The following NAV3 variants were observed in gnomAD, a reference collection of about 807,000 sequenced individuals.
NAV3 encodes pore membrane and/or filament interacting like protein 1.
In NAV3, 87 loss-of-function variants were observed where a neutral mutation model predicts 244.7. The observed-to-expected ratio is 0.36, with a 90% CI of 0.30 to 0.42. The LOEUF (loss-of-function observed/expected upper bound fraction) is 0.42. NAV3 is among the 20% of genes least tolerant of loss of function. The pLI is 1.00. For synonymous variants in NAV3, 1,126 were observed against 1,042.2 expected, an observed-to-expected ratio of 1.08 and a Z score of -1.55; for missense variants, 2,663 against 2,893.3, an observed-to-expected ratio of 0.92 and a Z score of 1.83.
intron 26 of NAV3, 85 bp from the exon 27 acceptor site, chr12:78,177,056 G>A (rs1593915482): frequency 2.4e-5 from 34 of 1,399,096 alleles, no homozygotes. Flanking sequence ...GCAGTGGCTA[G>A]GATGGCATCT....
chr12:77,958,515 A>C (rs555077656), intron 3 of NAV3, among the ~76,000 whole-genome samples: 11 of 152,324 alleles, frequency 7.2e-5, no homozygotes, highest in African/African-American at 2.6e-4. Flanking sequence ...TAGTTTCTAT[A>C]ATAAAGAAAA....
chr12:78,065,873 T>C (rs1466463736), intron 12 of NAV3, among the ~76,000 whole-genome samples: 1 of 152,058 alleles, frequency 6.6e-6, no homozygotes, highest in Admixed American at 6.6e-5. Flanking sequence ...GTACAGAGAG[T>C]GAATTCCTAG....
intron 1 of NAV3, among the ~76,000 whole-genome samples, chr12:77,879,850 T>C (rs375572243): frequency 7.2e-5 from 11 of 152,220 alleles, no homozygotes; most frequent in African/African-American, 2.6e-4. Flanking sequence ...CAAAGTCATG[T>C]TTTCTATAAT....
chr12:77,773,282 G>T lies in NAV3; in HGVS notation c.73-167037G>T, dbSNP rs369391969. On this transcript the variant is annotated intron_variant, in intron 2 of 8. Coordinates refer to the NAV3 transcript ENST00000550042. The stretch of plus-strand genomic sequence containing the variant: ...AATTGTCACAGATAAAAAATGTATC[G>T]AAATGATTGTAGACAAAAGCAAAAG... Among the ~76,000 whole-genome samples, 4 of 151,010 alleles carry T rather than the reference G, an allele frequency of 2.6e-5. No homozygotes were observed. In the South Asian group the frequency reaches 6.2e-4, roughly 24 times the overall value.
At chr12:77,622,083 T>G (rs1429814752) in intron 2 of NAV3, among the ~76,000 whole-genome samples, 2 of 152,180 alleles carry the variant, frequency 1.3e-5, no homozygotes, top group Non-Finnish European at 2.9e-5. Context: ...TTGTATTATT[T>G]CATTATACTG....
intron 12 of NAV3, among the ~76,000 whole-genome samples, chr12:78,061,015 T>C (rs997816869): frequency 6.6e-6 from 1 of 152,064 alleles, no homozygotes; most frequent in African/African-American, 2.4e-5. Flanking sequence ...CCTAGATAGG[T>C]ATCTAATAAA....
chr12:78,102,248 T>C lies in NAV3; in HGVS notation c.2637-14524T>C, dbSNP rs566087012. On this transcript the variant is annotated intron_variant, in intron 12 of 39. Coordinates refer to ENST00000397909, the MANE Select transcript of NAV3 (RefSeq NM_001024383.2). ...ACACAGCTGTTTCAAATGGGAGAAA[T>C]TGGCCAAAATTAATGGGTTACAGGG... Among the ~76,000 whole-genome samples the C allele has an allele frequency of 1.6e-4, 25 of 152,134 alleles. No individual in the cohort carries two copies. In the South Asian group the frequency reaches 3.7e-3, roughly 23 times the overall value.
At chr12:77,629,790 T>C (rs1871803821) in intron 2 of NAV3, among the ~76,000 whole-genome samples, 1 of 152,220 alleles carries the variant, frequency 6.6e-6, no homozygotes, top group Non-Finnish European at 1.5e-5. Flanking sequence ...TTCTGCTTGC[T>C]ACTTCTGCCT....
intron 1 of NAV3, among the ~76,000 whole-genome samples, chr12:77,886,578 G>T (rs995379470): frequency 6.6e-6 from 1 of 151,986 alleles, no homozygotes; most frequent in Non-Finnish European, 1.5e-5. Context: ...ACTCATTGTT[G>T]AACTCATCTT....
intron 1 of NAV3, among the ~76,000 whole-genome samples, chr12:77,849,571 C>T (rs1385856489): frequency 6.6e-6 from 1 of 152,044 alleles, no homozygotes; most frequent in African/African-American, 2.4e-5. Flanking sequence ...GAAAAAATTA[C>T]CTTTAGGCTA....
intron 13 of NAV3, among the ~76,000 whole-genome samples, 177 bp downstream of exon 13, chr12:78,117,081 T>G (rs936010747): frequency 6.8e-6 from 1 of 147,316 alleles, no homozygotes; most frequent in African/African-American, 2.5e-5. Context: ...ATCTTTCATC[T>G]TAGTCTTTCC....
intron 5 of NAV3, among the ~76,000 whole-genome samples, chr12:77,971,956 A>G (rs1893032779): frequency 6.6e-6 from 1 of 152,126 alleles, no homozygotes; most frequent in Admixed American, 6.6e-5. Flanking sequence ...TGATTTTGCT[A>G]TTTTGAAAAA....
At chr12:77,795,128 T>C (rs1592689455) in intron 2 of NAV3, among the ~76,000 whole-genome samples, 1 of 152,130 alleles carries the variant, frequency 6.6e-6, no homozygotes, top group African/African-American at 2.4e-5. Context: ...GTTAGCCAAG[T>C]AGCAAATGCA....
At chr12:77,869,585 C>T (rs1270511915) in intron 1 of NAV3, among the ~76,000 whole-genome samples, 1 of 152,120 alleles carries the variant, frequency 6.6e-6, no homozygotes, top group African/African-American at 2.4e-5. Flanking sequence ...CTCTTAACCT[C>T]GTTAACTCTT....
intron 2 of NAV3, among the ~76,000 whole-genome samples, chr12:77,660,511 C>G (rs908056064): frequency 2.0e-5 from 3 of 151,968 alleles, no homozygotes; most frequent in African/African-American, 7.3e-5. Context: ...CTAAAGGTAT[C>G]CATTTTATTT....
chr12:78,181,183 T>C (rs1344984762), intron 30 of NAV3, 138 bp downstream of exon 30: 2 of 737,040 alleles, frequency 2.7e-6, no homozygotes. Flanking sequence ...TTTGATCTTA[T>C]AAATCTAGTC....
chr12:77,586,310 T>C (rs2136697023), intron 2 of NAV3, among the ~76,000 whole-genome samples: 1 of 152,322 alleles, frequency 6.6e-6, no homozygotes, highest in African/African-American at 2.4e-5. Flanking sequence ...GAAAGCACTT[T>C]CCCAGATAAG....
chr12:77,824,837 G>A (rs1013003751), intron 2 of NAV3, among the ~76,000 whole-genome samples: 22 of 152,030 alleles, frequency 1.4e-4, no homozygotes, highest in African/African-American at 4.6e-4. Flanking sequence ...GGATTCCCGT[G>A]AGCCAAGATT....
upstream of NAV3, among the ~76,000 whole-genome samples, chr12:77,826,142 A>G (rs1872988625): frequency 6.6e-6 from 1 of 152,130 alleles, no homozygotes; most frequent in Non-Finnish European, 1.5e-5. Context: ...ATAGTTATCA[A>G]ATGACTCAGA....
Sources: gnomAD v4.1 joint callset for allele counts (sites outside exome capture counted in the v4.1 genomes callset) on GRCh38, gnomAD v4.1.1 for gene constraint, MANE v1.5 for transcripts, NCBI Gene and HGNC (gene_info 2026-07-23, HGNC 2026-07-21) for gene names.